NCLN: variants seen among roughly 807,000 people sequenced by gnomAD.
NCLN encodes the protein nicalin.
NCLN carries 34 observed loss-of-function variants against 69.5 expected under a neutral mutation model. The ratio of observed to expected loss-of-function variants is 0.49; its 90% CI spans 0.37 to 0.65. NCLN has a LOEUF of 0.65. Among genes scored for constraint, NCLN ranks in the 30% least tolerant of loss-of-function variants. The pLI, the probability that NCLN is intolerant of heterozygous loss-of-function variation, is 0.00. For missense variants in NCLN, 710 were observed against 804.8 expected (o/e 0.88, Z 1.42); for synonymous variants, 393 against 358.3 (o/e 1.10, Z -1.09).
At chr19:3,201,844 G>A (rs1481999556) in intron 6 of NCLN, among the ~76,000 whole-genome samples, 2 of 152,214 alleles carry the variant, frequency 1.3e-5, no homozygotes, top group Admixed American at 6.5e-5. Context: ...GCTCACCCCA[G>A]GAACCTGCTG....
intron 4 of NCLN, among the ~76,000 whole-genome samples, chr19:3,198,228 C>T (rs1057156875): frequency 2.6e-5 from 4 of 151,994 alleles, no homozygotes; most frequent in Admixed American, 1.3e-4. Flanking sequence ...ACCTCCTGGC[C>T]GGGCGCGGTG....
Position 3,205,122 on chromosome 19 carries a change from G to A in NCLN, c.1208+371G>A, listed in dbSNP as rs959826375. Reference sequence around the variant, plus strand: ...GGAGCCTGGCCCGCCACCACACCCCGGCCCTTCCTCGCCCCGCCTCCCTCT... The same window carrying A: ...GGAGCCTGGCCCGCCACCACACCCCAGCCCTTCCTCGCCCCGCCTCCCTCT... On this transcript the variant is annotated intron_variant, in intron 9 of 14. Coordinates refer to ENST00000246117, the MANE Select transcript of NCLN (RefSeq NM_020170.4). This position sits in a 1 kb window ranked among gnomAD's most constrained non-coding sequence, Gnocchi z 4.6. Among the ~76,000 whole-genome samples, 16 of 152,212 alleles carry A rather than the reference G, an allele frequency of 1.1e-4. No homozygotes were observed. The highest frequency in any genetic ancestry group is 4.1e-4 in the South Asian group (2 of 4,824).
intron 5 of NCLN, among the ~76,000 whole-genome samples, chr19:3,200,261 C>T (rs1916090913): frequency 6.6e-6 from 1 of 151,050 alleles, no homozygotes; most frequent in African/African-American, 2.4e-5. Context: ...TTTCTCTGTC[C>T]TCATTGTCCC....
In NCLN at chr19:3,196,187, G is replaced by C. The variant is rs940696547; in HGVS notation, c.525G>C (p.Leu175=). 1 of 1,551,348 alleles carries C rather than the reference G, an allele frequency of 6.4e-7. No homozygotes were observed. The highest frequency in any genetic ancestry group is 8.7e-7 in the Non-Finnish European group (1 of 1,146,706). Residue 175 remains leucine (L), a synonymous_variant, in exon 4 of 15, where the codon CTG becomes CTC. Coordinates refer to ENST00000246117, the MANE Select transcript of NCLN (RefSeq NM_020170.4). ...SQGSASAAEV[L]LRTATANGFQ... ...GCGCCCTCTCCCTCTCCCTAGTACT[G>C]CTGCGCACGGCCACTGCCAACGGCT...
intron 1 of NCLN, 82 bp from the exon 2 acceptor site, chr19:3,192,388 A>G: frequency 8.4e-7 from 1 of 1,188,232 alleles, no homozygotes; most frequent in Non-Finnish European, 1.1e-6. Context: ...GGGGCTGCTG[A>G]GTGGGTCCCT....
intron 6 of NCLN, among the ~76,000 whole-genome samples, chr19:3,201,940 C>A (rs907379007): frequency 1.3e-5 from 2 of 151,978 alleles, no homozygotes; most frequent in East Asian, 3.9e-4. Context: ...TGGTCGGGGC[C>A]GGATTTTTCG....
intron 1 of NCLN, among the ~76,000 whole-genome samples, chr19:3,187,728 C>T (rs979578432): frequency 6.6e-5 from 10 of 152,184 alleles, no homozygotes; most frequent in Non-Finnish European, 1.3e-4. Flanking sequence ...CCCCAGAGAA[C>T]GATCCGGCCC....
At chr19:3,207,541 G>A in intron 14 of NCLN, 72 bp downstream of exon 14, 1 of 1,607,588 alleles carries the variant, frequency 6.2e-7, no homozygotes, top group Non-Finnish European at 8.5e-7. Context: ...GTCTCCAAGT[G>A]CATCCTGGCC....
At position 3,189,693 on chromosome 19, in the gene NCLN, G is replaced by C. The variant is rs547297622; in HGVS notation, c.185-2777G>C. 2.0e-5 allele frequency among the ~76,000 whole-genome samples: 3 copies of C among 152,360 alleles called. No homozygotes were observed. The South Asian group carries it at 6.2e-4, about 32-fold the overall frequency. ...TTGGTGCTGGTTTCGCCTCCGCAGA[G>C]GGCCGTGTCCACACTAGCTTGTGGC... On this transcript the variant is annotated intron_variant, in intron 1 of 14. Coordinates refer to ENST00000246117, the MANE Select transcript of NCLN (RefSeq NM_020170.4).
intron 6 of NCLN, among the ~76,000 whole-genome samples, chr19:3,201,903 G>C (rs1201704195): frequency 6.6e-6 from 1 of 152,168 alleles, no homozygotes; most frequent in African/African-American, 2.4e-5. Flanking sequence ...AAGGGCCCTG[G>C]AACTAGGGGA....
rs1915664135 is a variant in NCLN, at chr19:3,186,170, C to T, written c.140C>T (p.Thr47Ile). 6.3e-7 allele frequency: 1 copy of T among 1,592,652 alleles called. No homozygotes were observed. ...GCCGCCGACGCCGCGCACGAGTTCA[C>T]CGTGTACCGCATGCAGCAGTACGAC... is the stretch of plus-strand genomic sequence containing the variant. The part of the protein sequence containing the change: ...LPAADAAHEF[T>I]VYRMQQYDLQ... The change falls in exon 1 of 15, where the codon ACC becomes ATC. Residue 47 changes from threonine (T) to isoleucine (I), a missense_variant. Physicochemically the swap from Thr to Ile is moderately conservative, Grantham distance 89. Transcript: ENST00000246117.
chr19:3,199,252 A>G (rs1180889037), intron 5 of NCLN, among the ~76,000 whole-genome samples: 5 of 152,368 alleles, frequency 3.3e-5, no homozygotes, highest in African/African-American at 7.2e-5. Flanking sequence ...TGGAGCACGT[A>G]GCAGAGTCCG....
chr19:3,206,922 A>G (rs942679792), intron 12 of NCLN, among the ~76,000 whole-genome samples: 1 of 152,090 alleles, frequency 6.6e-6, no homozygotes, highest in African/African-American at 2.4e-5. Flanking sequence ...CCCGGCTTCA[A>G]GTGATTCTCG....
At chr19:3,192,075 C>T (rs1159383995) in intron 1 of NCLN, among the ~76,000 whole-genome samples, 1 of 152,182 alleles carries the variant, frequency 6.6e-6, no homozygotes. Flanking sequence ...GTAATCCCAG[C>T]TACTCGGGAG....
Position 3,205,855 on chromosome 19 carries a change from C to A in NCLN, c.1209-84C>A. 1 of 1,208,472 alleles carries A rather than the reference C, an allele frequency of 8.3e-7. No individual in the cohort carries two copies. The allele number at this position is 1,208,472 out of a possible 1,614,324, so 74.9% of individuals were successfully genotyped here. A position where few individuals can be genotyped will look rare whatever the true frequency, so the allele number is the denominator to read the frequency against. ...AGACAGAGTCTCACGGTCTCCTAGGCTGGAGTGCTGGGATTACAAGTGTGA... is the reference window on the plus strand; with the variant it reads ...AGACAGAGTCTCACGGTCTCCTAGGATGGAGTGCTGGGATTACAAGTGTGA... On this transcript the variant is annotated intron_variant, in intron 9 of 14. Transcript: ENST00000246117. This position sits in a 1 kb window ranked among gnomAD's most constrained non-coding sequence, Gnocchi z 4.6.
intron 1 of NCLN, among the ~76,000 whole-genome samples, chr19:3,189,017 C>T (rs1018950538): frequency 2.0e-5 from 3 of 152,242 alleles, no homozygotes; most frequent in South Asian, 2.1e-4. Flanking sequence ...GCCCACTACC[C>T]GGAGGAGCTG....
chr19:3,204,789 T>C (rs1201543324), intron 9 of NCLN, 38 bp downstream of exon 9: 6 of 1,400,292 alleles, frequency 4.3e-6, no homozygotes, highest in Non-Finnish European at 5.6e-6. Context: ...CTCCTAGGGC[T>C]TTCCTGGGGG....
At chr19:3,193,131 C>T (rs1915871365) in intron 2 of NCLN, among the ~76,000 whole-genome samples, 153 bp from the exon 3 acceptor site, 1 of 150,720 alleles carries the variant, frequency 6.6e-6, no homozygotes, top group South Asian at 2.1e-4. Context: ...GGCCTGCCTG[C>T]CCTCCAGGGA....
At position 3,207,649 on chromosome 19, in the gene NCLN, G is replaced by GA. The variant is rs1916308079; in HGVS notation, c.1654dup (p.Thr552AsnfsTer151). 4 of 1,612,954 alleles carry GA rather than the reference G, an allele frequency of 2.5e-6. No individual in the cohort carries two copies. Among genetic ancestry groups the GA allele is most frequent in the Non-Finnish European group, 3.4e-6 (4 of 1,179,892 alleles). On this transcript the variant is annotated frameshift_variant, in exon 15 of 15. Transcript: ENST00000246117. LOFTEE classifies it high-confidence loss of function. ...CCCAGCACTTCAGCCTCCTCTACAA[G>GA]ACCGTCCAGAGGCTGCTCGTGAAGG...
Sources: gnomAD v4.1 joint callset for allele counts (sites outside exome capture counted in the v4.1 genomes callset) on GRCh38, gnomAD v4.1.1 for gene constraint, Gnocchi (gnomAD v3.1) non-coding constraint, MANE v1.5 for transcripts, NCBI Gene and HGNC (gene_info 2026-07-23, HGNC 2026-07-21) for gene names.